AGAP1: variants seen among roughly 807,000 people sequenced by gnomAD.
AGAP1 encodes arf-GAP with GTPase, ANK repeat and PH domain-containing protein 1.
A neutral mutation model predicts 105.3 loss-of-function variants in AGAP1; 29 were observed. The observed-to-expected ratio is 0.28, with a 90% CI of 0.21 to 0.38. AGAP1 has a LOEUF of 0.38. AGAP1 is among the 10% of genes least tolerant of loss of function. AGAP1 has a pLI of 1.00. For missense variants in AGAP1, 998 were observed against 1,165.1 expected (o/e 0.86, Z 2.09); for synonymous variants, 509 against 485.9 (o/e 1.05, Z -0.63).
intron 8 of AGAP1, among the ~76,000 whole-genome samples, chr2:235,803,878 C>G (rs995214558): frequency 6.6e-6 from 1 of 152,018 alleles, no homozygotes; most frequent in Admixed American, 6.6e-5. Context: ...GGAAAAAAAA[C>G]AAACATTAAA....
chr2:236,107,595 G>A (rs901503600), intron 16 of AGAP1, among the ~76,000 whole-genome samples: 5 of 152,226 alleles, frequency 3.3e-5, no homozygotes, highest in African/African-American at 1.2e-4. Context: ...AGTGCCCCAA[G>A]TCTCAACCCG....
chr2:235,826,046 C>CCA (rs1959044515), intron 9 of AGAP1, among the ~76,000 whole-genome samples: 2 of 152,172 alleles, frequency 1.3e-5, no homozygotes, highest in African/African-American at 4.8e-5. Flanking sequence ...TCAATTGTTG[C>CCA]TGCACCCAGC....
chr2:235,582,518 G>A lies in AGAP1; in HGVS notation c.163+87669G>A, dbSNP rs1245652008. The stretch of plus-strand genomic sequence containing the variant: ...AGATCGTGGGGTTGGTTGGTCATGC[G>A]TGTAATTATGTGTTGAGGTTTGGTG... On this transcript the variant is annotated intron_variant, in intron 1 of 17. Transcript: ENST00000304032. This position sits in a 1 kb window ranked among gnomAD's most constrained non-coding sequence, Gnocchi z 4.7. 2.6e-5 allele frequency among the ~76,000 whole-genome samples: 4 copies of A among 152,286 alleles called. No homozygotes were observed. The highest frequency in any genetic ancestry group is 3.9e-4 in the East Asian group (2 of 5,180).
chr2:235,759,381 G>C (rs1053584514), intron 6 of AGAP1, among the ~76,000 whole-genome samples: 1 of 150,790 alleles, frequency 6.6e-6, no homozygotes, highest in African/African-American at 2.4e-5. Flanking sequence ...GTGTTAGCCA[G>C]GATGGTCTTG....
intron 9 of AGAP1, among the ~76,000 whole-genome samples, chr2:235,810,275 G>T (rs1958063519): frequency 6.6e-6 from 1 of 152,272 alleles, no homozygotes; most frequent in East Asian, 1.9e-4. Context: ...TACCGTGTTT[G>T]CCGCAAACAT....
chr2:235,897,062 G>A (rs2050840955), intron 10 of AGAP1, among the ~76,000 whole-genome samples: 2 of 152,082 alleles, frequency 1.3e-5, no homozygotes, highest in Non-Finnish European at 2.9e-5. Context: ...TTCTTTTTTT[G>A]TTTGTTTTTT....
chr2:236,112,702 G>T (rs3754648), intron 16 of AGAP1, among the ~76,000 whole-genome samples: 3 of 152,050 alleles, frequency 2.0e-5, no homozygotes, highest in Non-Finnish European at 4.4e-5. Flanking sequence ...GGCGGCACTC[G>T]CATTCACACG....
At chr2:235,502,290 C>A (rs970150499) in intron 1 of AGAP1, among the ~76,000 whole-genome samples, 2 of 152,106 alleles carry the variant, frequency 1.3e-5, no homozygotes, top group Non-Finnish European at 2.9e-5. Flanking sequence ...CAGAAGAGAT[C>A]GTTAATGGAT....
At chr2:235,709,700 T>C (rs1445908471) in intron 2 of AGAP1, among the ~76,000 whole-genome samples, 1 of 152,206 alleles carries the variant, frequency 6.6e-6, no homozygotes, top group Non-Finnish European at 1.5e-5. Context: ...TGTGACTATT[T>C]ACCCTGTGAC....
rs952876067 is a variant in AGAP1, at chr2:236,120,609, G to A, written c.2370+162G>A. On this transcript the variant is annotated intron_variant, in intron 17 of 17. Transcript: ENST00000304032. This position sits in a 1 kb window ranked among gnomAD's most constrained non-coding sequence, Gnocchi z 6.0. ...CTGATTGAAGAGCAGAGGGCCTTAC[G>A]GAGAGACAGCCGGTCCTCCTTGTAC... is the stretch of plus-strand genomic sequence containing the variant. Among the ~76,000 whole-genome samples the A allele has an allele frequency of 2.6e-5, 4 of 152,226 alleles. No individual in the cohort carries two copies. Among genetic ancestry groups the A allele is most frequent in the African/African-American group, 4.8e-5 (2 of 41,452 alleles).
At position 236,124,974 on chromosome 2, in the gene AGAP1, A is replaced by G. The variant is rs534211653; in HGVS notation, c.*852A>G. The G allele has an allele frequency of 3.0e-5, 5 of 166,368 alleles. No individual in the cohort carries two copies. In the South Asian group the frequency reaches 6.2e-4, roughly 21 times the overall value. The allele number at this position is 166,368 out of a possible 1,614,324, so 10.3% of individuals were successfully genotyped here. ...TATTTGACTCCGGTCTCCTTGGTGC[A>G]AAAACAAAATGGGAAAAATAAATAA... On this transcript the variant is annotated 3_prime_UTR_variant, in exon 18 of 18. Transcript: ENST00000304032. This position sits in a 1 kb window ranked among gnomAD's most constrained non-coding sequence, Gnocchi z 5.1.
intron 12 of AGAP1, among the ~76,000 whole-genome samples, chr2:235,939,289 G>A (rs1352425787): frequency 6.6e-6 from 1 of 151,980 alleles, no homozygotes; most frequent in African/African-American, 2.4e-5. Flanking sequence ...TCTCTCCCAT[G>A]CCAAAACCCA....
chr2:236,088,515 A>G lies in AGAP1; in HGVS notation c.2115-31677A>G, dbSNP rs1559263532. On this transcript the variant is annotated intron_variant, in intron 16 of 17. Coordinates refer to ENST00000304032, the MANE Select transcript of AGAP1 (RefSeq NM_001037131.3). ...GGGTGATAGCTAGTGGGTGATAGCT[A>G]TTACATGAAGAAGATGCCTCTGTGA... is the stretch of plus-strand genomic sequence containing the variant. Among the ~76,000 whole-genome samples, 3 of 152,308 alleles carry G rather than the reference A, an allele frequency of 2.0e-5. No individual in the cohort carries two copies. In the South Asian group the frequency reaches 6.2e-4, roughly 32 times the overall value.
chr2:235,688,476 C>G (rs528648931), intron 1 of AGAP1, among the ~76,000 whole-genome samples: 441 of 152,290 alleles, frequency 2.9e-3, no homozygotes, highest in Non-Finnish European at 5.1e-3. Flanking sequence ...AGACAGACTT[C>G]CGAAACTTTC....
chr2:235,702,451 G>C (rs180907052), intron 1 of AGAP1, among the ~76,000 whole-genome samples: 3 of 152,332 alleles, frequency 2.0e-5, no homozygotes, highest in African/African-American at 7.2e-5. Context: ...AGCCTGGGAA[G>C]GTGGGGCTTC....
chr2:235,533,676 A>T (rs1253969145), intron 1 of AGAP1, among the ~76,000 whole-genome samples: 3 of 152,194 alleles, frequency 2.0e-5, no homozygotes, highest in African/African-American at 7.2e-5. Context: ...AATGAAAAGG[A>T]ATGCTTAGAA....
At position 235,728,020 on chromosome 2, in the gene AGAP1, A is replaced by G. The variant is rs1951736390; in HGVS notation, c.310+10376A>G. Among the ~76,000 whole-genome samples, 1 of 151,870 alleles carries G rather than the reference A, an allele frequency of 6.6e-6. No individual in the cohort carries two copies. Among genetic ancestry groups the G allele is most frequent in the Non-Finnish European group, 1.5e-5 (1 of 67,982 alleles). ...ATTAGAGCTGGGATTGCCTCTCGCA[A>G]CTCCCCAAAGAAAATGCTGCGTCCT... On this transcript the variant is annotated intron_variant, in intron 3 of 17. Transcript: ENST00000304032. This position sits in a 1 kb window ranked among gnomAD's most constrained non-coding sequence, Gnocchi z 4.3.
rs1945120171 is a variant in AGAP1, at chr2:235,586,582, G to T, written c.163+91733G>T. ...GTGCACAGGCCTGTGTGACCTGAAGGCCCTTGCAGGCTGAGGTCTCTTGGT... is the reference window on the plus strand; with the variant it reads ...GTGCACAGGCCTGTGTGACCTGAAGTCCCTTGCAGGCTGAGGTCTCTTGGT... On this transcript the variant is annotated intron_variant, in intron 1 of 17. Transcript: ENST00000304032. This position sits in a 1 kb window ranked among gnomAD's most constrained non-coding sequence, Gnocchi z 4.2. Among the ~76,000 whole-genome samples the T allele has an allele frequency of 6.6e-6, 1 of 152,196 alleles. No homozygotes were observed. The highest frequency in any genetic ancestry group is 2.4e-5 in the African/African-American group (1 of 41,450).
chr2:236,122,308 C>T (rs1419911831), intron 17 of AGAP1, among the ~76,000 whole-genome samples: 1 of 152,080 alleles, frequency 6.6e-6, no homozygotes, highest in Non-Finnish European at 1.5e-5. Flanking sequence ...GCTAATACAC[C>T]ACCATAAAGG....
Sources: gnomAD v4.1 joint callset for allele counts (sites outside exome capture counted in the v4.1 genomes callset) on GRCh38, gnomAD v4.1.1 for gene constraint, Gnocchi (gnomAD v3.1) non-coding constraint, MANE v1.5 for transcripts, NCBI Gene and HGNC (gene_info 2026-07-23, HGNC 2026-07-21) for gene names.